Variants in HIVEP2 observed in about 807,000 individuals in gnomAD.
HIVEP2 encodes transcription factor HIVEP2.
Under a neutral mutation model 180.7 loss-of-function variants are expected in HIVEP2, and 14 were observed. That is an observed-to-expected ratio of 0.08 (90% CI 0.05 to 0.12). The LOEUF (loss-of-function observed/expected upper bound fraction) is 0.12. Among genes scored for constraint, HIVEP2 ranks in the 10% least tolerant of loss-of-function variants. HIVEP2 has a pLI of 1.00. For synonymous variants in HIVEP2, 1,184 were observed against 1,136.4 expected (o/e 1.04, Z -0.84); for missense variants, 2,579 against 3,008.5 (o/e 0.86, Z 3.34).
chr6:142,849,502 ATTCT>A (rs1328351300), intron 1 of HIVEP2, among the ~76,000 whole-genome samples: 2 of 146,408 alleles, frequency 1.4e-5, no homozygotes, highest in African/African-American at 4.9e-5. Flanking sequence ...AGCTAGAGTG[ATTCT>A]TTATTTATTT....
At chr6:142,931,902 C>T (rs1429440173) in intron 1 of HIVEP2, among the ~76,000 whole-genome samples, 1 of 152,182 alleles carries the variant, frequency 6.6e-6, no homozygotes, top group Non-Finnish European at 1.5e-5. Context: ...ATCTTCCTAA[C>T]TTTCTCACCA....
At chr6:142,871,069 C>T (rs944048910) in intron 1 of HIVEP2, among the ~76,000 whole-genome samples, 2 of 152,166 alleles carry the variant, frequency 1.3e-5, no homozygotes, top group Non-Finnish European at 2.9e-5. Flanking sequence ...CATGGTTCTA[C>T]CAGTGATTTT....
chr6:142,773,853 T>G lies in HIVEP2; in HGVS notation c.886A>C (p.Ser296Arg). ...SLFAEASDKM[S>R]PGPPIPLDIA... ...TCCAGTGGGATGGGTGGACCAGGAC[T>G]CATTTTGTCAGAAGCCTCGGCAAAT... Residue 296 changes from serine (S) to arginine (R), a missense_variant, in exon 5 of 10, where the codon AGT becomes CGT. Transcript: ENST00000367603. 6.2e-7 allele frequency: 1 copy of G among 1,613,596 alleles called. No individual in the cohort carries two copies. The highest frequency in any genetic ancestry group is 8.5e-7 in the Non-Finnish European group (1 of 1,180,028).
intron 1 of HIVEP2, among the ~76,000 whole-genome samples, chr6:142,865,527 A>C (rs1297452348): frequency 6.6e-6 from 1 of 152,170 alleles, no homozygotes; most frequent in East Asian, 1.9e-4. Flanking sequence ...ATACAGTAAT[A>C]CTTCATAAAT....
chr6:142,879,942 T>C (rs1338406236), intron 1 of HIVEP2, among the ~76,000 whole-genome samples: 3 of 152,112 alleles, frequency 2.0e-5, no homozygotes, highest in Non-Finnish European at 2.9e-5. Context: ...CTATGTCTTG[T>C]TCATATTGTA....
chr6:142,790,884 C>T (rs1462990291), intron 2 of HIVEP2, among the ~76,000 whole-genome samples: 2 of 152,172 alleles, frequency 1.3e-5, no homozygotes. Context: ...TCCCACATTT[C>T]ATGCTACAAA....
intron 2 of HIVEP2, among the ~76,000 whole-genome samples, chr6:142,799,516 A>C (rs1376165667): frequency 6.6e-6 from 1 of 152,152 alleles, no homozygotes; most frequent in East Asian, 1.9e-4. Context: ...GAAGAAATGA[A>C]TATTCATATT....
intron 1 of HIVEP2, among the ~76,000 whole-genome samples, chr6:142,917,449 G>T (rs965701023): frequency 1.3e-5 from 2 of 152,224 alleles, no homozygotes; most frequent in Non-Finnish European, 2.9e-5. Flanking sequence ...TGCGCTGCAA[G>T]TGGCAACAAT....
chr6:142,818,596 G>A (rs1289054356), intron 2 of HIVEP2, among the ~76,000 whole-genome samples: 1 of 151,226 alleles, frequency 6.6e-6, no homozygotes, highest in African/African-American at 2.4e-5. Context: ...TTGAACCCAG[G>A]AGGTGGAGGA....
At chr6:142,863,030 A>ATATATATTACATAATATAT (rs1251096384) in intron 1 of HIVEP2, among the ~76,000 whole-genome samples, 1 of 142,170 alleles carries the variant, frequency 7.0e-6, no homozygotes, top group Non-Finnish European at 1.5e-5. Flanking sequence ...ACAATATGTA[A>ATATATATTACATAATATAT]TATATATTAC....
chr6:142,903,094 T>C (rs1380494325), intron 1 of HIVEP2, among the ~76,000 whole-genome samples: 1 of 152,204 alleles, frequency 6.6e-6, no homozygotes, highest in Non-Finnish European at 1.5e-5. Context: ...TCAGAATTAC[T>C]GCTAAACAAC....
At position 142,760,406 on chromosome 6, in the gene HIVEP2, C is replaced by T; in HGVS notation, c.5882G>A (p.Ser1961Asn). 2.5e-6 allele frequency: 4 copies of T among 1,614,180 alleles called. No individual in the cohort carries two copies. The highest frequency in any genetic ancestry group is 3.4e-6 in the Non-Finnish European group (4 of 1,180,030). ...GAVPHGVPSD[S>N]SLGHSSLISY... ...GATCAACGAAGAATGTCCCAGGGAACTATCTGAAGGAACCCCGTGGGGTAC... is the reference window on the plus strand; with the variant it reads ...GATCAACGAAGAATGTCCCAGGGAATTATCTGAAGGAACCCCGTGGGGTAC... The change falls in exon 9 of 10, where the codon AGT becomes AAT. Residue 1961 changes from serine (S) to asparagine (N), a missense_variant. This residue lies in a region of HIVEP2 where 660 missense variants were observed against 731.7 expected (regional missense o/e 0.90). Coordinates refer to ENST00000367603, the MANE Select transcript of HIVEP2 (RefSeq NM_006734.4).
chr6:142,944,584 G>A (rs1383472073), intron 1 of HIVEP2, among the ~76,000 whole-genome samples: 4 of 152,204 alleles, frequency 2.6e-5, no homozygotes, highest in Admixed American at 2.0e-4. Flanking sequence ...GATAGCAGCC[G>A]GCAGTGCCGC....
chr6:142,816,735 A>G (rs148648767), intron 2 of HIVEP2, among the ~76,000 whole-genome samples: 1 of 152,380 alleles, frequency 6.6e-6, no homozygotes, highest in African/African-American at 2.4e-5. Flanking sequence ...ATCATAATTT[A>G]CAGCTTGGAA....
intron 1 of HIVEP2, among the ~76,000 whole-genome samples, chr6:142,844,064 C>A (rs1775443214): frequency 2.0e-5 from 3 of 152,154 alleles, no homozygotes; most frequent in Non-Finnish European, 1.5e-5. Flanking sequence ...TCAACTCCAG[C>A]AATATTCTTC....
chr6:142,882,512 G>T (rs1291707684), intron 1 of HIVEP2, among the ~76,000 whole-genome samples: 4 of 151,942 alleles, frequency 2.6e-5, no homozygotes, highest in African/African-American at 9.7e-5. Context: ...TACTTAGGAG[G>T]CTGAGGCAGG....
chr6:142,933,487 C>G (rs971461044), intron 1 of HIVEP2, among the ~76,000 whole-genome samples: 1 of 152,196 alleles, frequency 6.6e-6, no homozygotes, highest in Non-Finnish European at 1.5e-5. Context: ...TCATACTGCT[C>G]TCATCCTACA....
chr6:142,921,125 T>C (rs1777672951), intron 1 of HIVEP2, among the ~76,000 whole-genome samples: 1 of 152,220 alleles, frequency 6.6e-6, no homozygotes, highest in African/African-American at 2.4e-5. Context: ...TGCCGGAGCT[T>C]AAATGCAAGC....
At chr6:142,916,532 C>T (rs984627192) in intron 1 of HIVEP2, among the ~76,000 whole-genome samples, 1 of 152,150 alleles carries the variant, frequency 6.6e-6, no homozygotes, top group African/African-American at 2.4e-5. Flanking sequence ...CCACCAACCC[C>T]TTCACTTATT....
Sources: gnomAD v4.1 joint callset for allele counts (sites outside exome capture counted in the v4.1 genomes callset) on GRCh38, gnomAD v4.1.1 for gene constraint, gnomAD v4.1.1 regional missense constraint, MANE v1.5 for transcripts, NCBI Gene and HGNC (gene_info 2026-07-23, HGNC 2026-07-21) for gene names.